The following IL16 variants were observed in gnomAD, a reference collection of about 807,000 sequenced individuals.
IL16 encodes the protein interleukin 16.
IL16 carries 67 observed loss-of-function variants against 110.1 expected under a neutral mutation model. That is an observed-to-expected ratio of 0.61 (90% CI 0.50 to 0.75). IL16 has a LOEUF of 0.75. IL16 is among the 30% of genes least tolerant of loss of function. IL16 has a pLI of 0.00. For missense variants in IL16, 1,545 were observed against 1,655.0 expected (o/e 0.93, Z 1.15); for synonymous variants, 689 against 662.9 (o/e 1.04, Z -0.61).
At chr15:81,258,814 GCA>G (rs908746767) in intron 2 of IL16, among the ~76,000 whole-genome samples, 37 of 151,490 alleles carry the variant, frequency 2.4e-4, no homozygotes, top group African/African-American at 8.9e-4. Flanking sequence ...CACAACATGT[GCA>G]CACACACACA....
intron 10 of IL16, among the ~76,000 whole-genome samples, chr15:81,288,737 G>A (rs539990685): frequency 1.3e-5 from 2 of 152,220 alleles, no homozygotes; most frequent in South Asian, 4.2e-4. Flanking sequence ...TGCCTTATTT[G>A]ACTTCGCGTA....
chr15:81,290,487 AGGCTGTGGAAAACACCAAG>A lies in IL16; in HGVS notation c.1368_1386del (p.Gln456HisfsTer46), dbSNP rs1899660683. On this transcript the variant is annotated frameshift_variant, in exon 11 of 19. Transcript: ENST00000683961. LOFTEE classifies it high-confidence loss of function. ...CAGCAACTCAAAGAAGCTGTGGCCC[AGGCTGTGGAAAACACCAAG>A]TTTGGAAAGGAGAGGCATCAGTGGA... is the stretch of plus-strand genomic sequence containing the variant. 1 of 1,613,502 alleles carries A rather than the reference AGGCTGTGGAAAACACCAAG, an allele frequency of 6.2e-7. No homozygotes were observed. The highest frequency in any genetic ancestry group is 8.5e-7 in the Non-Finnish European group (1 of 1,179,762).
chr15:81,282,784 T>C (rs558037721), intron 9 of IL16, 28 bp downstream of exon 9: 1 of 1,437,596 alleles, frequency 7.0e-7, no homozygotes, highest in Non-Finnish European at 9.8e-7. Context: ...TTTCTGAATA[T>C]ACCCCCGACT....
chr15:81,183,842 C>T (rs1020688300), intron 1 of IL16, among the ~76,000 whole-genome samples: 3 of 152,206 alleles, frequency 2.0e-5, no homozygotes, highest in African/African-American at 2.4e-5. Flanking sequence ...CATTCAAAGG[C>T]TCACTTTCCT....
chr15:81,312,126 G>C lies in IL16; in HGVS notation c.*3328G>C, dbSNP rs943085460. On this transcript the variant is annotated 3_prime_UTR_variant, in exon 19 of 19. Transcript: ENST00000683961. ...ACGTGGTCTTTCTTACAAGGAAGGT[G>C]GTGGGGGTGCAGATGAGGTTGCTAG... 1 of 152,278 alleles carries C rather than the reference G, an allele frequency of 6.6e-6. No individual in the cohort carries two copies. The highest frequency in any genetic ancestry group is 1.5e-5 in the Non-Finnish European group (1 of 68,086). The allele number at this position is 152,278 out of a possible 1,614,324, so 9.4% of individuals were successfully genotyped here.
chr15:81,301,576 G>C, intron 15 of IL16, 64 bp downstream of exon 15: 1 of 1,477,268 alleles, frequency 6.8e-7, no homozygotes. Context: ...GGCCACCTTA[G>C]TTGGGCCAGA....
In IL16 at chr15:81,276,577, A is replaced by T. The variant is rs546883290; in HGVS notation, c.791-2240A>T. Among the ~76,000 whole-genome samples the T allele has an allele frequency of 7.2e-5, 11 of 152,356 alleles. No individual in the cohort carries two copies. The South Asian group carries it at 1.0e-3, about 14-fold the overall frequency. On this transcript the variant is annotated intron_variant, in intron 6 of 18. Transcript: ENST00000683961. The stretch of plus-strand genomic sequence containing the variant: ...CCCAGGGGAGCAACAAGGAAACTTA[A>T]CTTTACCCATGGCTCCTCAGTTGGC...
chr15:81,226,583 T>C (rs1393001941), intron 2 of IL16, among the ~76,000 whole-genome samples: 1 of 152,218 alleles, frequency 6.6e-6, no homozygotes. Flanking sequence ...GTCTGTCACC[T>C]CTGTACAGCT....
chr15:81,307,208 C>T (rs995354679), intron 18 of IL16, among the ~76,000 whole-genome samples: 1 of 152,194 alleles, frequency 6.6e-6, no homozygotes, highest in African/African-American at 2.4e-5. Flanking sequence ...CTCCAAGCCA[C>T]AGAGCAAGGG....
intron 2 of IL16, among the ~76,000 whole-genome samples, chr15:81,244,896 A>G (rs1897483467): frequency 6.6e-6 from 1 of 152,116 alleles, no homozygotes; most frequent in African/African-American, 2.4e-5. Flanking sequence ...CAGATTGAGT[A>G]ATTTCTGTTA....
intron 2 of IL16, among the ~76,000 whole-genome samples, chr15:81,226,116 G>A (rs890238376): frequency 2.0e-5 from 3 of 152,200 alleles, no homozygotes; most frequent in Admixed American, 6.5e-5. Flanking sequence ...AGAGAAGGAG[G>A]CCTTATGGCA....
intron 4 of IL16, among the ~76,000 whole-genome samples, chr15:81,268,361 C>A (rs895969104): frequency 8.1e-6 from 1 of 123,276 alleles, no homozygotes; most frequent in African/African-American, 3.8e-5. Flanking sequence ...GGGAGTACAA[C>A]CCAAAGAGCT....
At chr15:81,295,437 A>G in intron 12 of IL16, 1 of 1,289,172 alleles carries the variant, frequency 7.8e-7, no homozygotes, top group Non-Finnish European at 1.0e-6. Context: ...CATTGACTGC[A>G]GTTGGTATCA....
chr15:81,276,590 C>T (rs1898920259), intron 6 of IL16, among the ~76,000 whole-genome samples: 1 of 152,180 alleles, frequency 6.6e-6, no homozygotes, highest in Non-Finnish European at 1.5e-5. Context: ...TTACCCATGG[C>T]TCCTCAGTTG....
chr15:81,236,290 C>A (rs1897173732), intron 2 of IL16, among the ~76,000 whole-genome samples: 1 of 152,206 alleles, frequency 6.6e-6, no homozygotes, highest in Non-Finnish European at 1.5e-5. Flanking sequence ...AGTGGGAAAC[C>A]CAATCTTTTG....
intron 3 of IL16, 130 bp downstream of exon 3, chr15:81,260,010 T>C: frequency 1.6e-6 from 1 of 629,104 alleles, no homozygotes; most frequent in Non-Finnish European, 2.8e-6. Flanking sequence ...CTCAGCTTCA[T>C]AGTGTGTGCA....
chr15:81,237,970 T>A (rs1897228068), intron 2 of IL16, among the ~76,000 whole-genome samples: 1 of 152,154 alleles, frequency 6.6e-6, no homozygotes, highest in Admixed American at 6.5e-5. Context: ...AGTGATGCAA[T>A]CTCGGCTCAC....
chr15:81,277,308 A>G (rs928638540), intron 6 of IL16, among the ~76,000 whole-genome samples: 8 of 152,354 alleles, frequency 5.3e-5, no homozygotes, highest in African/African-American at 1.9e-4. Context: ...ATGCAAAAAG[A>G]TAGTGGCTTA....
chr15:81,278,754 G>A, intron 6 of IL16, 63 bp from the exon 7 acceptor site: 1 of 1,070,306 alleles, frequency 9.3e-7, no homozygotes, highest in Non-Finnish European at 1.5e-6. Flanking sequence ...AGAGTTAAAG[G>A]TAATGATAAT....
Sources: gnomAD v4.1 joint callset for allele counts (sites outside exome capture counted in the v4.1 genomes callset) on GRCh38, gnomAD v4.1.1 for gene constraint, MANE v1.5 for transcripts, NCBI Gene and HGNC (gene_info 2026-07-23, HGNC 2026-07-21) for gene names.